ADPRHL1: variants seen among roughly 807,000 people sequenced by gnomAD.
The protein encoded by ADPRHL1 is ADP-ribosylhydrolase like 1, also known as inactive ADP-ribosyltransferase ARH2.
A neutral mutation model predicts 44.1 loss-of-function variants in ADPRHL1; 43 were observed. That is an observed-to-expected ratio of 0.98 (90% CI 0.76 to 1.26). The LOEUF (loss-of-function observed/expected upper bound fraction) is 1.26, where lower values mean the gene tolerates loss of function less well. Ranked by LOEUF, ADPRHL1 falls within the 50% of genes most tolerant of loss-of-function variation. The probability of loss-of-function intolerance (pLI) is 0.00; values close to 1 mark genes in which losing one functional copy is unlikely to be tolerated. For missense variants in ADPRHL1, 2,022 were observed against 2,496.9 expected, an observed-to-expected ratio of 0.81 and a Z score of 4.05; for synonymous variants, 878 against 1,017.4, an observed-to-expected ratio of 0.86 and a Z score of 2.61.
At chr13:113,443,343 C>T (rs2044111870) in intron 2 of ADPRHL1, among the ~76,000 whole-genome samples, 1 of 152,052 alleles carries the variant, frequency 6.6e-6, no homozygotes, top group Non-Finnish European at 1.5e-5. Context: ...GGTGTGGTGG[C>T]TCCTGCCTGT....
At chr13:113,434,754 CTGGGACCCAGCACCCAGG>C (rs1190591908) in intron 2 of ADPRHL1, among the ~76,000 whole-genome samples, 2,819 of 112,134 alleles carry the variant, frequency 0.025, 1,074 homozygotes, top group African/African-American at 0.029. Context: ...TAGGTGTACC[CTGGGACCCAGCACCCAGG>C]CGTAGAGTGA....
intron 3 of ADPRHL1, among the ~76,000 whole-genome samples, chr13:113,433,089 G>T (rs2044018706): frequency 6.7e-6 from 1 of 149,568 alleles, no homozygotes; most frequent in Admixed American, 6.6e-5. Flanking sequence ...GTGTTAAGGG[G>T]GCGACATGAT....
Position 113,444,471 on chromosome 13 carries a change from C to T in ADPRHL1, c.333G>A (p.Lys111=), listed in dbSNP as rs1204725475. The T allele has an allele frequency of 5.6e-6, 9 of 1,614,082 alleles. No individual in the cohort carries two copies. In the African/African-American group the frequency reaches 6.7e-5, roughly 12 times the overall value. ...PATIEGCAQL[K]PNNYLLAWHT... ...GCCAGGCGAGAAGGTAGTTATTGGG[C>T]TTTAGCTGAGCACAGCCTTCAATGG... Residue 111 remains lysine (K), a synonymous_variant, in exon 2 of 8, where the codon AAG becomes AAA. Coordinates refer to ENST00000612156, the MANE Select transcript of ADPRHL1 (RefSeq NM_001394807.1).
intron 3 of ADPRHL1, among the ~76,000 whole-genome samples, chr13:113,431,124 G>A (rs554988755): frequency 6.6e-5 from 10 of 152,296 alleles, no homozygotes; most frequent in Admixed American, 5.2e-4. Context: ...CTGCTGTCAC[G>A]GCGCCATTGG....
chr13:113,416,952 A>T (rs181044120), intron 7 of ADPRHL1, among the ~76,000 whole-genome samples: 1 of 152,372 alleles, frequency 6.6e-6, no homozygotes, highest in African/African-American at 2.4e-5. Context: ...GAGATGAGGG[A>T]AAATATTAAC....
At position 113,403,521 on chromosome 13, in the gene ADPRHL1, C is replaced by G; in HGVS notation, c.5761G>C (p.Glu1921Gln). The G allele has an allele frequency of 1.6e-6, 2 of 1,232,018 alleles. No homozygotes were observed. Among genetic ancestry groups the G allele is most frequent in the South Asian group, 8.2e-5 (2 of 24,318 alleles). 76.3% of individuals were successfully genotyped at this position (1,232,018 alleles called of 1,614,324 possible). A position where few individuals can be genotyped will look rare whatever the true frequency, so the allele number is the denominator to read the frequency against. ...GAERALQDRM[E>Q]ASEPERRGRS... ...CCGCGACGCTCGGGCTCCGATGCCTCCATCCTGTCCTGCAGGGCCCTCTCA... is the reference window on the plus strand; with the variant it reads ...CCGCGACGCTCGGGCTCCGATGCCTGCATCCTGTCCTGCAGGGCCCTCTCA... The change falls in exon 8 of 8, where the codon GAG (glutamate) becomes CAG (glutamine). Residue 1921 changes from glutamate (E) to glutamine (Q), a missense_variant. By Grantham distance (29) the Glu-to-Gln change is conservative (BLOSUM62 2). Around this residue, in one of 8 missense-constraint regions of ADPRHL1, gnomAD observed 205 missense variants for 250.1 expected, o/e 0.82. Coordinates refer to ENST00000612156, the MANE Select transcript of ADPRHL1 (RefSeq NM_001394807.1).
At chr13:113,408,384 T>C (rs2043825007) in intron 7 of ADPRHL1, among the ~76,000 whole-genome samples, 164 bp from the exon 8 acceptor site, 1 of 152,212 alleles carries the variant, frequency 6.6e-6, no homozygotes, top group Non-Finnish European at 1.5e-5. Flanking sequence ...GGGCTGTCTC[T>C]GCTGTTAATT....
rs1464927161 is a variant in ADPRHL1 at position 113,437,083 on chromosome 13, C to T, written c.380-3216G>A. 1.6e-3 allele frequency among the ~76,000 whole-genome samples: 199 copies of T among 121,718 alleles called. 2 individuals are homozygous for T. Among genetic ancestry groups the T allele is most frequent in the African/African-American group, 5.2e-3 (159 of 30,644 alleles). The allele number at this position is 121,718 out of a possible 152,430, so 79.9% of individuals were successfully genotyped here. A position where few individuals can be genotyped will look rare whatever the true frequency, so the allele number is the denominator to read the frequency against. On this transcript the variant is annotated intron_variant, in intron 2 of 7. Transcript: ENST00000612156. ...TGTACCCCGGGACCCAGCACCCACACGTAGAGTGAACATAGGTGTACCCCG... is the reference window on the plus strand; with the variant it reads ...TGTACCCCGGGACCCAGCACCCACATGTAGAGTGAACATAGGTGTACCCCG...
At position 113,402,360 on chromosome 13, in the gene ADPRHL1, C is replaced by T. The variant is rs1259431091; in HGVS notation, c.*1018G>A. 1.3e-5 allele frequency: 2 copies of T among 152,230 alleles called. No homozygotes were observed. The highest frequency in any genetic ancestry group is 6.5e-5 in the Admixed American group (1 of 15,282). 9.4% of individuals were successfully genotyped at this position (152,230 alleles called of 1,614,324 possible). On this transcript the variant is annotated 3_prime_UTR_variant, in exon 8 of 8. Coordinates refer to ENST00000612156, the MANE Select transcript of ADPRHL1 (RefSeq NM_001394807.1). ...TCCAGAGTAGCAACAAAAACCATCT[C>T]GAGGCAATGTGACCACAGGTGGCTT...
intron 7 of ADPRHL1, among the ~76,000 whole-genome samples, chr13:113,420,194 G>A (rs1241745739): frequency 6.6e-6 from 1 of 152,200 alleles, no homozygotes; most frequent in Non-Finnish European, 1.5e-5. Flanking sequence ...TCCCCTCAGT[G>A]CTTTCTTTGG....
chr13:113,419,398 T>C (rs560724486), intron 7 of ADPRHL1, among the ~76,000 whole-genome samples: 152 of 150,804 alleles, frequency 1.0e-3, no homozygotes, highest in African/African-American at 3.6e-3. Flanking sequence ...ATTACAAGCC[T>C]GAGCCACCTG....
intron 1 of ADPRHL1, among the ~76,000 whole-genome samples, chr13:113,445,903 G>T (rs1437697284): frequency 2.0e-5 from 3 of 148,244 alleles, no homozygotes; most frequent in African/African-American, 7.5e-5. Flanking sequence ...CGCGTGTAGG[G>T]ACCATGGCTG....
At chr13:113,437,422 A>C (rs925991632) in intron 2 of ADPRHL1, among the ~76,000 whole-genome samples, 2 of 152,188 alleles carry the variant, frequency 1.3e-5, no homozygotes, top group African/African-American at 4.8e-5. Context: ...ACCCAGGTGC[A>C]GAGTGAATGC....
chr13:113,438,659 G>C (rs899863181), intron 2 of ADPRHL1, among the ~76,000 whole-genome samples: 1 of 152,044 alleles, frequency 6.6e-6, no homozygotes, highest in African/African-American at 2.4e-5. Flanking sequence ...GTGCCACTGG[G>C]TGACAGAGCG....
intron 7 of ADPRHL1, among the ~76,000 whole-genome samples, chr13:113,419,065 T>TCCCTCCCTCCCTCCCTCCCTCCCTCC (rs1566470062): frequency 1.8e-5 from 2 of 111,186 alleles, no homozygotes; most frequent in Non-Finnish European, 3.8e-5. Context: ...TCTCCTTCCT[T>TCCCTCCCTCCCTCCCTCCCTCCCTCC]CACTCCCTCC....
chr13:113,407,210 G>A lies in ADPRHL1; in HGVS notation c.2072C>T (p.Pro691Leu). The A allele has an allele frequency of 7.3e-6, 9 of 1,232,244 alleles. No homozygotes were observed. The highest frequency in any genetic ancestry group is 8.1e-6 in the Non-Finnish European group (8 of 988,106). The allele number at this position is 1,232,244 out of a possible 1,614,324, so 76.3% of individuals were successfully genotyped here. A position where few individuals can be genotyped will look rare whatever the true frequency, so the allele number is the denominator to read the frequency against. Residue 691 changes from proline to leucine, a missense_variant, in exon 8 of 8, where the codon CCC (proline) becomes CTC (leucine). Physicochemically the swap from Pro to Leu is moderately conservative, Grantham distance 98. This residue lies in a region of ADPRHL1 where 1,221 missense variants were observed against 1,517.8 expected (regional missense o/e 0.80). Transcript: ENST00000612156. ...GCCGTCCCTCTGAGCCATCACCTGG[G>A]GTGTCACGGGCTTCGAGGGCCTTGG... ...RQPRPSKPVT[P>L]QVMAQRDGHA...
chr13:113,449,764 T>G (rs982327697), intron 1 of ADPRHL1, among the ~76,000 whole-genome samples: 1 of 152,234 alleles, frequency 6.6e-6, no homozygotes, highest in Non-Finnish European at 1.5e-5. Context: ...TGTAAAAGTC[T>G]GCCTGTCTTT....
At chr13:113,410,906 G>C (rs1387730355) in intron 7 of ADPRHL1, among the ~76,000 whole-genome samples, 1 of 152,200 alleles carries the variant, frequency 6.6e-6, no homozygotes, top group Non-Finnish European at 1.5e-5. Context: ...ATGACTTGGC[G>C]GCCCGTGGAG....
intron 1 of ADPRHL1, among the ~76,000 whole-genome samples, chr13:113,450,471 G>GC (rs2044170845): frequency 2.0e-5 from 3 of 152,142 alleles, no homozygotes; most frequent in South Asian, 2.1e-4. Context: ...AGGCAGCTGG[G>GC]CCCGGGGGAC....
Sources: allele counts gnomAD v4.1 joint callset (sites outside exome capture counted in the v4.1 genomes callset), GRCh38; gene constraint gnomAD v4.1.1; regional missense constraint gnomAD v4.1.1; transcripts MANE v1.5; gene names NCBI Gene and HGNC (gene_info 2026-07-23, HGNC 2026-07-21).